Variants in PRSS27 observed in about 807,000 individuals in gnomAD.
The protein encoded by PRSS27 is serine protease 27, also known as channel-activating protease 2.
PRSS27 carries 25 observed loss-of-function variants against 32.0 expected under a neutral mutation model. The ratio of observed to expected loss-of-function variants is 0.78; its 90% CI spans 0.57 to 1.09. The LOEUF is 1.09. Among genes scored for constraint, PRSS27 ranks in the 50% least tolerant of loss-of-function variants. PRSS27 has a pLI of 0.00. For missense variants in PRSS27, 401 were observed against 394.9 expected (o/e 1.02, Z -0.13); for synonymous variants, 178 against 172.2 (o/e 1.03, Z -0.26).
At chr16:2,715,633 C>T in intron 3 of PRSS27, 85 bp downstream of exon 3, 2 of 1,133,630 alleles carry the variant, frequency 1.8e-6, no homozygotes, top group Non-Finnish European at 1.2e-6. Context: ...GGATTTGGCG[C>T]GGCGGGCGCT....
intron 1 of PRSS27, chr16:2,718,200 C>G (rs1199886984): frequency 6.6e-6 from 1 of 152,162 alleles, no homozygotes; most frequent in Non-Finnish European, 1.5e-5. Context: ...GCAGATCCTT[C>G]CTTCCTAAAG....
chr16:2,717,019 G>T lies in PRSS27; in HGVS notation c.47-493C>A, dbSNP rs926191788. The T allele has an allele frequency of 8.0e-4, 129 of 161,790 alleles. 1 individual carries two copies. Among genetic ancestry groups the T allele is most frequent in the Non-Finnish European group, 1.3e-3 (92 of 73,150 alleles). The allele number at this position is 161,790 out of a possible 1,614,324, so 10.0% of individuals were successfully genotyped here. On this transcript the variant is annotated intron_variant, in intron 1 of 5. Transcript: ENST00000302641. The surrounding 1 kb of genome is among the most constrained non-coding windows in gnomAD (Gnocchi z 4.1). Reference sequence around the variant, plus strand: ...GCTCTCTCACAGTCTGCTCCGGAATGAGCTCCTTCCCCAAGTCTCACTTTG... The same window carrying T: ...GCTCTCTCACAGTCTGCTCCGGAATTAGCTCCTTCCCCAAGTCTCACTTTG...
chr16:2,712,918 C>T lies in PRSS27; in HGVS notation c.679-104G>A. 1 of 923,728 alleles carries T rather than the reference C, an allele frequency of 1.1e-6. No individual in the cohort carries two copies. The highest frequency in any genetic ancestry group is 2.7e-5 in the East Asian group (1 of 36,978). 57.2% of individuals were successfully genotyped at this position (923,728 alleles called of 1,614,324 possible). A position where few individuals can be genotyped will look rare whatever the true frequency, so the allele number is the denominator to read the frequency against. ...AGCTCCGCAATGGATTCCTTCTCTC[C>T]ATCCCAGAGCCTCTCTGCCCGGCTC... On this transcript the variant is annotated intron_variant, in intron 5 of 5. Transcript: ENST00000302641. This position sits in a 1 kb window ranked among gnomAD's most constrained non-coding sequence, Gnocchi z 4.6.
chr16:2,713,983 T>C lies in PRSS27; in HGVS notation c.508+82A>G, dbSNP rs1054527175. Reference sequence around the variant, plus strand: ...ATGTATTAATATAGCAACAGGAAGATTGTGGGTTCAGAGTGGTCCCCAAGC... The same window carrying C: ...ATGTATTAATATAGCAACAGGAAGACTGTGGGTTCAGAGTGGTCCCCAAGC... On this transcript the variant is annotated intron_variant, in intron 4 of 5. Transcript: ENST00000302641. 4.3e-6 allele frequency: 6 copies of C among 1,399,096 alleles called. No homozygotes were observed. In the African/African-American group the frequency reaches 4.3e-5, roughly 10 times the overall value. The allele number at this position is 1,399,096 out of a possible 1,614,324, so 86.7% of individuals were successfully genotyped here.
rs762484971 is a variant in PRSS27, at chr16:2,715,686, C to T, written c.236+32G>A. The T allele has an allele frequency of 3.9e-6, 6 of 1,538,138 alleles. No individual in the cohort carries two copies. In the Admixed American group the frequency reaches 7.6e-5, roughly 20 times the overall value. On this transcript the variant is annotated intron_variant, in intron 3 of 5. Coordinates refer to ENST00000302641, the MANE Select transcript of PRSS27 (RefSeq NM_031948.5). The stretch of plus-strand genomic sequence containing the variant: ...GGTCGCGCGCGGGGCGCTGTCAGCG[C>T]TATGGGCGGGGGCAGGGGCGGGCGG...
intron 5 of PRSS27, 88 bp downstream of exon 5, chr16:2,713,441 G>A (rs2067678371): frequency 7.4e-7 from 1 of 1,349,580 alleles, no homozygotes; most frequent in Non-Finnish European, 1.1e-6. Flanking sequence ...CTGGTTGAAT[G>A]CATAGCCCAT....
In PRSS27 at chr16:2,713,648, C is replaced by G. The variant is rs200471477; in HGVS notation, c.559G>C (p.Asp187His). Residue 187 changes from aspartate to histidine, a missense_variant, in exon 5 of 6, where the codon GAC becomes CAC. Physicochemically the swap from Asp to His is moderately conservative, Grantham distance 81 (BLOSUM62 -1). Coordinates refer to ENST00000302641, the MANE Select transcript of PRSS27 (RefSeq NM_031948.5). ...ILQKLAVPII[D>H]TPKCNLLYSK... ...TAGAGCAGGTTGCACTTGGGTGTGTCGATGATGGGCACAGCGAGTTTCTGC... is the reference window on the plus strand; with the variant it reads ...TAGAGCAGGTTGCACTTGGGTGTGTGGATGATGGGCACAGCGAGTTTCTGC... 2 of 1,614,058 alleles carry G rather than the reference C, an allele frequency of 1.2e-6. No homozygotes were observed. Among genetic ancestry groups the G allele is most frequent in the African/African-American group, 2.7e-5 (2 of 74,938 alleles).
rs764365734 is a variant in PRSS27 at position 2,720,179 on chromosome 16, G to C, written c.-19C>G. ...GCCTCATGTCCTCAGGCCTGGCTGG[G>C]GCGCAGGGCCGTGGTCGGCGGTGGC... On this transcript the variant is annotated 5_prime_UTR_variant, in exon 1 of 6. Transcript: ENST00000302641. The C allele has an allele frequency of 6.3e-7, 1 of 1,584,458 alleles. No homozygotes were observed. The highest frequency in any genetic ancestry group is 1.1e-5 in the South Asian group (1 of 87,214).
intron 2 of PRSS27, 61 bp from the exon 3 acceptor site, chr16:2,715,941 C>T (rs1319640269): frequency 4.3e-6 from 6 of 1,399,974 alleles, no homozygotes; most frequent in Admixed American, 2.0e-5. Context: ...GGCCGAGGCC[C>T]AGCTCTCAGC....
Position 2,714,318 on chromosome 16 carries a change from C to T in PRSS27, c.255G>A (p.Leu85=), listed in dbSNP as rs779954349. The T allele has an allele frequency of 5.6e-6, 9 of 1,612,932 alleles. No individual in the cohort carries two copies. In the East Asian group the frequency reaches 1.8e-4, roughly 32 times the overall value. The change falls in exon 4 of 6, where the codon CTG becomes CTA. Residue 85 remains leucine, a synonymous_variant. Transcript: ENST00000302641. The surrounding 1 kb of genome is among the most constrained non-coding windows in gnomAD (Gnocchi z 4.7). ...GCCTTGCCCCCAGCAGGACCTGGTACAGGGACGTCTCAGAGGTGCTGGCGG... is the reference window on the plus strand; with the variant it reads ...GCCTTGCCCCCAGCAGGACCTGGTATAGGGACGTCTCAGAGGTGCTGGCGG... ...HCFRNTSETS[L]YQVLLGARQL...
chr16:2,714,012 C>T lies in PRSS27; in HGVS notation c.508+53G>A. On this transcript the variant is annotated intron_variant, in intron 4 of 5. Coordinates refer to ENST00000302641, the MANE Select transcript of PRSS27 (RefSeq NM_031948.5). The surrounding 1 kb of genome is among the most constrained non-coding windows in gnomAD (Gnocchi z 4.7). ...GGGTTCAGAGTGGTCCCCAAGCCGT[C>T]CTGGGCCTTCTTGAGGCATATCCCC... 6.5e-7 allele frequency: 1 copy of T among 1,548,496 alleles called. No homozygotes were observed. Among genetic ancestry groups the T allele is most frequent in the African/African-American group, 1.4e-5 (1 of 73,368 alleles).
chr16:2,717,307 G>A lies in PRSS27; in HGVS notation c.47-781C>T, dbSNP rs1001387883. The stretch of plus-strand genomic sequence containing the variant: ...TATGGGGTCGTTCGGGGGAACCAAG[G>A]ATGGGAACATATTTTCTGCTGTCCA... On this transcript the variant is annotated intron_variant, in intron 1 of 5. Transcript: ENST00000302641. This position sits in a 1 kb window ranked among gnomAD's most constrained non-coding sequence, Gnocchi z 4.1. 10 of 152,416 alleles carry A rather than the reference G, an allele frequency of 6.6e-5. No individual in the cohort carries two copies. Among genetic ancestry groups the A allele is most frequent in the African/African-American group, 2.4e-4 (10 of 41,416 alleles). The allele number at this position is 152,416 out of a possible 1,614,324, so 9.4% of individuals were successfully genotyped here.
intron 1 of PRSS27, 92 bp downstream of exon 1, chr16:2,720,023 C>T (rs1437930120): frequency 8.2e-7 from 1 of 1,221,476 alleles, no homozygotes; most frequent in African/African-American, 1.5e-5. Context: ...CAGCCTGTCC[C>T]AGGGAGTAGG....
At chr16:2,716,061 T>TCCTGAGGACTCCAGAG in intron 2 of PRSS27, 181 bp from the exon 3 acceptor site, 68 of 563,222 alleles carry the variant, frequency 1.2e-4, no homozygotes, top group Admixed American at 4.4e-4. Context: ...CCTCCCCAGC[T>TCCTGAGGACTCCAGAG]GCCCCCCAAA....
chr16:2,717,163 G>A lies in PRSS27; in HGVS notation c.47-637C>T, dbSNP rs1201712193. On this transcript the variant is annotated intron_variant, in intron 1 of 5. Transcript: ENST00000302641. The surrounding 1 kb of genome is among the most constrained non-coding windows in gnomAD (Gnocchi z 4.1). ...CCTTCTCAAGATTCCAGAGTCCCAAGAGCTGACCCCTCTCCCAGGCATGCA... is the reference window on the plus strand; with the variant it reads ...CCTTCTCAAGATTCCAGAGTCCCAAAAGCTGACCCCTCTCCCAGGCATGCA... The A allele has an allele frequency of 6.5e-6, 1 of 152,756 alleles. No homozygotes were observed. The highest frequency in any genetic ancestry group is 1.5e-5 in the Non-Finnish European group (1 of 68,496). The allele number at this position is 152,756 out of a possible 1,614,324, so 9.5% of individuals were successfully genotyped here.
At position 2,712,673 on chromosome 16, in the gene PRSS27, G is replaced by T. The variant is rs142372018; in HGVS notation, c.820C>A (p.Arg274=). The T allele has an allele frequency of 6.3e-7, 1 of 1,599,396 alleles. No individual in the cohort carries two copies. The change falls in exon 6 of 6, where the codon CGG becomes AGG. Residue 274 remains arginine (R), a synonymous_variant. Coordinates refer to ENST00000302641, the MANE Select transcript of PRSS27 (RefSeq NM_031948.5). This position sits in a 1 kb window ranked among gnomAD's most constrained non-coding sequence, Gnocchi z 4.6. ...TGGAACTGCAGTTTGGGGATGATCCGATGGATCCAGTTGTGGTGGGCGGTG... is the reference window on the plus strand; with the variant it reads ...TGGAACTGCAGTTTGGGGATGATCCTATGGATCCAGTTGTGGTGGGCGGTG... ...RVTAHHNWIH[R]IIPKLQFQPA...
In PRSS27 at chr16:2,717,023, T is replaced by G. The variant is rs1253417034; in HGVS notation, c.47-497A>C. The G allele has an allele frequency of 1.2e-5, 2 of 160,994 alleles. No homozygotes were observed. Among genetic ancestry groups the G allele is most frequent in the Admixed American group, 5.9e-5 (1 of 16,994 alleles). 10.0% of individuals were successfully genotyped at this position (160,994 alleles called of 1,614,324 possible). ...TCTCACAGTCTGCTCCGGAATGAGC[T>G]CCTTCCCCAAGTCTCACTTTGGTCC... On this transcript the variant is annotated intron_variant, in intron 1 of 5. Transcript: ENST00000302641. This position sits in a 1 kb window ranked among gnomAD's most constrained non-coding sequence, Gnocchi z 4.1.
At position 2,713,376 on chromosome 16, in the gene PRSS27, G is replaced by A. The variant is rs533282091; in HGVS notation, c.678+153C>T. On this transcript the variant is annotated intron_variant, in intron 5 of 5. Coordinates refer to ENST00000302641, the MANE Select transcript of PRSS27 (RefSeq NM_031948.5). ...GCCTCCCAAAGTGCTGGGATTACAG[G>A]CGTGAGCCACCACACCCGGCCCTGG... The A allele has an allele frequency of 3.1e-4, 245 of 798,208 alleles. No individual in the cohort carries two copies. In the East Asian group the frequency reaches 6.4e-3, roughly 21 times the overall value. The allele number at this position is 798,208 out of a possible 1,614,324, so 49.4% of individuals were successfully genotyped here. A position where few individuals can be genotyped will look rare whatever the true frequency, so the allele number is the denominator to read the frequency against.
At chr16:2,719,080 G>A (rs544592881) in intron 1 of PRSS27, among the ~76,000 whole-genome samples, 78 of 152,340 alleles carry the variant, frequency 5.1e-4, no homozygotes, top group African/African-American at 1.7e-3. Context: ...CCCTCGGGCT[G>A]GGAGTGAGGA....
Sources: gnomAD v4.1 joint callset for allele counts (sites outside exome capture counted in the v4.1 genomes callset) on GRCh38, gnomAD v4.1.1 for gene constraint, Gnocchi (gnomAD v3.1) non-coding constraint, MANE v1.5 for transcripts, NCBI Gene and HGNC (gene_info 2026-07-23, HGNC 2026-07-21) for gene names.